The following PRLR variants were observed in gnomAD, a reference collection of about 807,000 sequenced individuals.
The protein encoded by PRLR is prolactin receptor, also known as hPRL receptor.
Under a neutral mutation model 40.2 loss-of-function variants are expected in PRLR, and 13 were observed. The observed-to-expected ratio is 0.32, with a 90% CI of 0.21 to 0.51. The LOEUF is 0.51. PRLR is among the 20% of genes least tolerant of loss of function. The pLI is 0.97. For synonymous variants in PRLR, 269 were observed against 278.7 expected (o/e 0.97, Z 0.35); for missense variants, 656 against 747.3 (o/e 0.88, Z 1.42).
intron 4 of PRLR, among the ~76,000 whole-genome samples, chr5:35,085,756 T>C (rs1018698807): frequency 6.6e-5 from 10 of 152,198 alleles, no homozygotes; most frequent in Non-Finnish European, 1.3e-4. Context: ...AGATGAGCAT[T>C]TAAGATTAAC....
intron 1 of PRLR, chr5:35,135,161 T>C (rs1317426171): frequency 6.6e-6 from 1 of 152,086 alleles, no homozygotes; most frequent in Non-Finnish European, 1.5e-5. Context: ...AATACTTCTT[T>C]ATCATTCAGT....
chr5:35,171,273 A>C (rs965752778), intron 1 of PRLR, among the ~76,000 whole-genome samples: 1 of 152,090 alleles, frequency 6.6e-6, no homozygotes, highest in Non-Finnish European at 1.5e-5. Context: ...TAACAACTTG[A>C]AAGTCCCAGG....
chr5:35,104,064 G>T (rs1772066001), intron 2 of PRLR, among the ~76,000 whole-genome samples: 1 of 152,110 alleles, frequency 6.6e-6, no homozygotes, highest in Non-Finnish European at 1.5e-5. Flanking sequence ...ATCCCGTACA[G>T]TTCAAAAGAG....
At chr5:35,070,693 AT>A (rs1354428967) in intron 6 of PRLR, among the ~76,000 whole-genome samples, 1 of 151,880 alleles carries the variant, frequency 6.6e-6, no homozygotes. Context: ...AAAATACAAA[AT>A]TAGCCAGGCA....
intron 2 of PRLR, among the ~76,000 whole-genome samples, chr5:35,092,307 TTG>T (rs1191183732): frequency 6.6e-6 from 1 of 152,184 alleles, no homozygotes; most frequent in East Asian, 1.9e-4. Context: ...GGTGTCACGG[TTG>T]TGTTTCAACA....
At chr5:35,110,477 C>T (rs1387397495) in intron 2 of PRLR, among the ~76,000 whole-genome samples, 1 of 152,146 alleles carries the variant, frequency 6.6e-6, no homozygotes, top group Non-Finnish European at 1.5e-5. Flanking sequence ...TATTTGCCCT[C>T]AAAGTTCCTC....
chr5:35,070,372 G>T, intron 6 of PRLR, 107 bp from the exon 7 acceptor site: 1 of 1,217,172 alleles, frequency 8.2e-7, no homozygotes, highest in Non-Finnish European at 1.2e-6. Flanking sequence ...CATATACAGA[G>T]AATTCCCTGC....
intron 1 of PRLR, among the ~76,000 whole-genome samples, chr5:35,227,587 AC>A (rs1308319397): frequency 6.6e-6 from 1 of 152,204 alleles, no homozygotes; most frequent in Non-Finnish European, 1.5e-5. Flanking sequence ...ATGCAGGAAT[AC>A]CTCACCAAAG....
intron 1 of PRLR, among the ~76,000 whole-genome samples, chr5:35,154,738 C>A (rs1248994949): frequency 6.6e-6 from 1 of 152,010 alleles, no homozygotes; most frequent in African/African-American, 2.4e-5. Context: ...TGGAATCAAG[C>A]CAAATGCCCA....
intron 1 of PRLR, among the ~76,000 whole-genome samples, chr5:35,170,444 C>A (rs902784361): frequency 6.6e-6 from 1 of 152,140 alleles, no homozygotes; most frequent in African/African-American, 2.4e-5. Flanking sequence ...AGCTTGAGCC[C>A]AGGAGTTTTA....
At chr5:35,113,551 A>G (rs969152239) in intron 2 of PRLR, among the ~76,000 whole-genome samples, 83 of 151,802 alleles carry the variant, frequency 5.5e-4, no homozygotes, top group African/African-American at 1.9e-3. Flanking sequence ...CCATCCATCC[A>G]TTCATCAATC....
chr5:35,150,893 C>T (rs1378445513), intron 1 of PRLR, among the ~76,000 whole-genome samples: 3 of 152,048 alleles, frequency 2.0e-5, no homozygotes, highest in South Asian at 2.1e-4. Flanking sequence ...GGTGTTTTGG[C>T]GGGGAGCAGC....
chr5:35,154,155 CT>C (rs1774420725), intron 1 of PRLR, among the ~76,000 whole-genome samples: 1 of 152,038 alleles, frequency 6.6e-6, no homozygotes, highest in Non-Finnish European at 1.5e-5. Context: ...GGAATAGTTT[CT>C]AGGTAGAAAA....
intron 1 of PRLR, among the ~76,000 whole-genome samples, chr5:35,128,476 C>T (rs1363360413): frequency 6.6e-6 from 1 of 151,602 alleles, no homozygotes; most frequent in Non-Finnish European, 1.5e-5. Flanking sequence ...ATTTGTTACA[C>T]TATATTGTTT....
In PRLR at chr5:35,193,811, A is replaced by AGGTCATATGGGCTAATTCTGATGC. The variant is rs538546052; in HGVS notation, c.-106+36433_-106+36456dup. On this transcript the variant is annotated intron_variant, in intron 1 of 9. Transcript: ENST00000618457. Reference sequence around the variant, plus strand: ...CCTGCTTGCTCTTCTTGTCCCATAGAGGTCATATGGGCTAATTCTGATGCC... The same window carrying AGGTCATATGGGCTAATTCTGATGC: ...CCTGCTTGCTCTTCTTGTCCCATAGAGGTCATATGGGCTAATTCTGATGCGGTCATATGGGCTAATTCTGATGCC... 3.9e-3 allele frequency among the ~76,000 whole-genome samples: 588 copies of AGGTCATATGGGCTAATTCTGATGC among 152,242 alleles called. 8 individuals are homozygous for AGGTCATATGGGCTAATTCTGATGC. Among genetic ancestry groups the AGGTCATATGGGCTAATTCTGATGC allele is most frequent in the African/African-American group, 0.014 (572 of 41,534 alleles).
intron 1 of PRLR, among the ~76,000 whole-genome samples, chr5:35,221,670 A>C (rs529496361): frequency 6.6e-6 from 1 of 152,304 alleles, no homozygotes; most frequent in East Asian, 1.9e-4. Flanking sequence ...GCCCCTTCCC[A>C]GAATATTGAT....
rs375259626 is a variant in PRLR at position 35,149,139 on chromosome 5, C to T, written c.-105-31017G>A. Among the ~76,000 whole-genome samples the T allele has an allele frequency of 5.3e-5, 8 of 152,050 alleles. No individual in the cohort carries two copies. In the East Asian group the frequency reaches 1.3e-3, roughly 26 times the overall value. The stretch of plus-strand genomic sequence containing the variant: ...CTGAAATTCTTGGAAATCAAAATGT[C>T]GAGTTGCTTAGTAACTATTTTAGTA... On this transcript the variant is annotated intron_variant, in intron 1 of 9. Transcript: ENST00000618457.
At chr5:35,088,686 A>C (rs1347485058) in intron 3 of PRLR, among the ~76,000 whole-genome samples, 1 of 152,182 alleles carries the variant, frequency 6.6e-6, no homozygotes, top group Non-Finnish European at 1.5e-5. Context: ...AATGCACAGA[A>C]ACACGGAGAA....
chr5:35,135,116 A>G (rs1015700919), intron 1 of PRLR, among the ~76,000 whole-genome samples: 2 of 148,420 alleles, frequency 1.3e-5, no homozygotes, highest in African/African-American at 5.1e-5. Flanking sequence ...AGAGAGTTCT[A>G]TCCTGTTGCT....
Sources: allele counts gnomAD v4.1 joint callset (sites outside exome capture counted in the v4.1 genomes callset), GRCh38; gene constraint gnomAD v4.1.1; transcripts MANE v1.5; gene names NCBI Gene and HGNC (gene_info 2026-07-23, HGNC 2026-07-21).